IPCEF1: variants seen among roughly 807,000 people sequenced by gnomAD.
IPCEF1 encodes the protein interaction protein for cytohesin exchange factors 1.
A neutral mutation model predicts 50.9 loss-of-function variants in IPCEF1; 31 were observed. The observed-to-expected ratio is 0.61, with a 90% confidence interval of 0.46 to 0.82. The LOEUF is 0.82. IPCEF1 is among the 40% of genes least tolerant of loss of function. The pLI is 0.00. For synonymous variants in IPCEF1, 181 were observed against 192.0 expected (o/e 0.94, Z 0.47); for missense variants, 458 against 514.0 (o/e 0.89, Z 1.05).
chr6:154,182,222 A>G (rs1477551098), intron 10 of IPCEF1, among the ~76,000 whole-genome samples: 1 of 152,020 alleles, frequency 6.6e-6, no homozygotes, highest in Non-Finnish European at 1.5e-5. Context: ...ATTTTCCTCT[A>G]TTTGTTTTAC....
At position 154,328,118 on chromosome 6, in the gene IPCEF1, G is replaced by A. The variant is rs116865190; in HGVS notation, c.-62+28554C>T. On this transcript the variant is annotated intron_variant, in intron 1 of 11. Transcript: ENST00000367220. Reference sequence around the variant, plus strand: ...AGGAAGACTAGCTAATGGATGCTGGGCTGAATACTTATGTGATGGGTTGAT... The same window carrying A: ...AGGAAGACTAGCTAATGGATGCTGGACTGAATACTTATGTGATGGGTTGAT... Among the ~76,000 whole-genome samples, 36 of 152,224 alleles carry A rather than the reference G, an allele frequency of 2.4e-4. No homozygotes were observed. In the East Asian group the frequency reaches 5.4e-3, roughly 23 times the overall value.
chr6:154,190,881 C>A (rs553753081), intron 10 of IPCEF1, among the ~76,000 whole-genome samples: 2 of 152,110 alleles, frequency 1.3e-5, no homozygotes, highest in East Asian at 3.9e-4. Flanking sequence ...ACGGTGAAAC[C>A]CCGTCTCTAC....
intron 3 of IPCEF1, among the ~76,000 whole-genome samples, chr6:154,249,038 C>G (rs1168964885): frequency 2.0e-5 from 3 of 152,134 alleles, no homozygotes; most frequent in Non-Finnish European, 4.4e-5. Context: ...GACATTTCAT[C>G]TGACCAATGT....
At chr6:154,287,273 TCCTGTACAG>T (rs1782387752) in intron 2 of IPCEF1, among the ~76,000 whole-genome samples, 1 of 151,892 alleles carries the variant, frequency 6.6e-6, no homozygotes, top group Non-Finnish European at 1.5e-5. Flanking sequence ...CAGCCATGCT[TCCTGTACAG>T]CCTGTGGAAC....
intron 1 of IPCEF1, among the ~76,000 whole-genome samples, chr6:154,328,274 A>G (rs1226974695): frequency 6.6e-6 from 1 of 152,212 alleles, no homozygotes; most frequent in African/African-American, 2.4e-5. Context: ...CTAAATTAGA[A>G]CAAATTCTAA....
chr6:154,345,673 C>A (rs773104893), intron 1 of IPCEF1, among the ~76,000 whole-genome samples: 6 of 152,078 alleles, frequency 3.9e-5, no homozygotes, highest in Non-Finnish European at 8.8e-5. Flanking sequence ...CAATTCTTCA[C>A]AGTATTTAAT....
In IPCEF1 at chr6:154,158,899, TG is replaced by T. The variant is rs1798817944; in HGVS notation, c.*928del. The T allele has an allele frequency of 6.6e-6, 1 of 152,176 alleles. No individual in the cohort carries two copies. Among genetic ancestry groups the T allele is most frequent in the African/African-American group, 2.4e-5 (1 of 41,434 alleles). The allele number at this position is 152,176 out of a possible 1,614,324, so 9.4% of individuals were successfully genotyped here. A position where few individuals can be genotyped will look rare whatever the true frequency, so the allele number is the denominator to read the frequency against. On this transcript the variant is annotated 3_prime_UTR_variant, in exon 12 of 12. Coordinates refer to ENST00000367220, the MANE Select transcript of IPCEF1 (RefSeq NM_001130700.2). ...ATGTTTAACTCTTTTGTTGCTTCCA[TG>T]GGTTTTTGTTTTTTTGTTTTTTTGA...
rs1798803625 is a variant in IPCEF1, at chr6:154,158,503, C to T, written c.*1325G>A. ...AAGTTTATTTAATAGAAAGGATAAT[C>T]TAAGATGAAAGTCCTTTGCTGGTTA... On this transcript the variant is annotated 3_prime_UTR_variant, in exon 12 of 12. Transcript: ENST00000367220. 1 of 152,080 alleles carries T rather than the reference C, an allele frequency of 6.6e-6. No individual in the cohort carries two copies. The highest frequency in any genetic ancestry group is 1.5e-5 in the Non-Finnish European group (1 of 68,022). 9.4% of individuals were successfully genotyped at this position (152,080 alleles called of 1,614,324 possible).
At chr6:154,296,986 C>T (rs1023799245) in intron 1 of IPCEF1, among the ~76,000 whole-genome samples, 3 of 152,090 alleles carry the variant, frequency 2.0e-5, no homozygotes, top group African/African-American at 4.8e-5. Context: ...TATAAGATGA[C>T]GCTGCTCTCT....
intron 1 of IPCEF1, among the ~76,000 whole-genome samples, chr6:154,314,884 CTTTTTT>C (rs11367569): frequency 7.2e-6 from 1 of 138,060 alleles, no homozygotes. Flanking sequence ...AGTGTGATTA[CTTTTTT>C]TTTTTTTTTT....
chr6:154,295,656 G>A (rs2128671626), intron 1 of IPCEF1, among the ~76,000 whole-genome samples: 1 of 152,342 alleles, frequency 6.6e-6, no homozygotes, highest in African/African-American at 2.4e-5. Context: ...TTTGCCAGCA[G>A]CCCCATGGCT....
chr6:154,296,079 T>C (rs1315705548), intron 1 of IPCEF1, among the ~76,000 whole-genome samples: 2 of 152,236 alleles, frequency 1.3e-5, no homozygotes, highest in Non-Finnish European at 2.9e-5. Context: ...CTCAGTGTTC[T>C]GAGTCTAAAT....
At chr6:154,324,352 G>A (rs1431604499) in intron 1 of IPCEF1, among the ~76,000 whole-genome samples, 2 of 152,160 alleles carry the variant, frequency 1.3e-5, no homozygotes, top group Non-Finnish European at 2.9e-5. Flanking sequence ...GAACACTTGA[G>A]TTCATGAGTT....
intron 3 of IPCEF1, among the ~76,000 whole-genome samples, chr6:154,249,917 T>G (rs1020407704): frequency 6.7e-4 from 97 of 144,232 alleles, no homozygotes; most frequent in Admixed American, 2.1e-3. Context: ...GGCTTTTTTT[T>G]TGTTTGTTTT....
chr6:154,336,940 A>G (rs1200558135), intron 1 of IPCEF1, among the ~76,000 whole-genome samples: 2 of 152,192 alleles, frequency 1.3e-5, no homozygotes, highest in Non-Finnish European at 2.9e-5. Flanking sequence ...AGCAGAGTAG[A>G]GTGACTATAG....
chr6:154,282,808 G>A (rs1782256844), intron 2 of IPCEF1, among the ~76,000 whole-genome samples: 1 of 152,240 alleles, frequency 6.6e-6, no homozygotes, highest in Non-Finnish European at 1.5e-5. Context: ...TATTGGGAAA[G>A]AGATTTGTCC....
Position 154,199,822 on chromosome 6 carries a change from C to T in IPCEF1, c.756G>A (p.Glu252=), listed in dbSNP as rs1448290101. Residue 252 remains glutamate, a synonymous_variant, in exon 10 of 12, where the codon GAG becomes GAA. Coordinates refer to ENST00000367220, the MANE Select transcript of IPCEF1 (RefSeq NM_001130700.2). ...AVQVHSPVPS[E]AGIHKALENS... ...TTTCCAGGGCCTTGTGGATGCCTGC[C>T]TCTGAGGGTACAGGTGAATGAACTT... 2 of 1,614,200 alleles carry T rather than the reference C, an allele frequency of 1.2e-6. No individual in the cohort carries two copies. The highest frequency in any genetic ancestry group is 2.2e-5 in the East Asian group (1 of 44,882).
intron 1 of IPCEF1, among the ~76,000 whole-genome samples, chr6:154,352,399 CTAACTTGACT>C (rs1784133501): frequency 6.6e-6 from 1 of 152,176 alleles, no homozygotes; most frequent in Admixed American, 6.5e-5. Flanking sequence ...TCTTTCATTT[CTAACTTGACT>C]TAGTTTTCCT....
intron 5 of IPCEF1, among the ~76,000 whole-genome samples, chr6:154,229,198 G>A (rs948962824): frequency 4.6e-5 from 7 of 152,104 alleles, no homozygotes; most frequent in Non-Finnish European, 1.5e-5. Flanking sequence ...TAACTGTGTT[G>A]TTCATACATA....
Sources: allele counts gnomAD v4.1 joint callset (sites outside exome capture counted in the v4.1 genomes callset), GRCh38; gene constraint gnomAD v4.1.1; transcripts MANE v1.5; gene names NCBI Gene and HGNC (gene_info 2026-07-23, HGNC 2026-07-21).